Variants in FAM193A observed in about 807,000 individuals in gnomAD.
FAM193A encodes the protein family with sequence similarity 193 member A.
Under a neutral mutation model 126.5 loss-of-function variants are expected in FAM193A, and 22 were observed. The ratio of observed to expected loss-of-function variants is 0.17; its 90% confidence interval spans 0.12 to 0.25. The LOEUF is 0.25. Ranked by LOEUF, FAM193A falls within the 10% of genes least tolerant of loss-of-function variation. The probability of loss-of-function intolerance (pLI) is 1.00; values close to 1 mark genes in which losing one functional copy is unlikely to be tolerated. For synonymous variants in FAM193A, 761 were observed against 646.8 expected, an observed-to-expected ratio of 1.18 and a Z score of -2.68; for missense variants, 1,675 against 1,672.8, an observed-to-expected ratio of 1.00 and a Z score of -0.02.
chr4:2,709,516 C>T (rs1246306663), intron 19 of FAM193A, among the ~76,000 whole-genome samples: 1 of 152,108 alleles, frequency 6.6e-6, no homozygotes, highest in Non-Finnish European at 1.5e-5. Context: ...CGAGACAAGC[C>T]TGGCCAACAT....
chr4:2,635,884 C>G (rs183152487), intron 5 of FAM193A, among the ~76,000 whole-genome samples: 3 of 152,250 alleles, frequency 2.0e-5, no homozygotes, highest in South Asian at 2.1e-4. Context: ...CTCCAGATCT[C>G]TCTGTAAAAG....
At chr4:2,598,622 A>G (rs1741006919) in intron 2 of FAM193A, among the ~76,000 whole-genome samples, 1 of 152,124 alleles carries the variant, frequency 6.6e-6, no homozygotes, top group Admixed American at 6.6e-5. Flanking sequence ...TGGTATTATC[A>G]TCTCTTCCTT....
intron 8 of FAM193A, among the ~76,000 whole-genome samples, chr4:2,658,364 C>T (rs376459978): frequency 6.6e-6 from 1 of 152,148 alleles, no homozygotes; most frequent in Non-Finnish European, 1.5e-5. Flanking sequence ...CTGGACTCTC[C>T]CTTCCTCATC....
intron 20 of FAM193A, among the ~76,000 whole-genome samples, chr4:2,729,343 C>G (rs1442751433): frequency 6.6e-6 from 1 of 152,138 alleles, no homozygotes; most frequent in African/African-American, 2.4e-5. Context: ...GCTAGCAGGC[C>G]AGTGTGTGTG....
At chr4:2,711,797 C>T (rs558868003) in intron 19 of FAM193A, among the ~76,000 whole-genome samples, 2 of 152,026 alleles carry the variant, frequency 1.3e-5, no homozygotes, top group East Asian at 1.9e-4. Context: ...CGTGGTGGCA[C>T]GTGCCTGTAG....
At chr4:2,574,259 C>G (rs1228689407) in intron 1 of FAM193A, among the ~76,000 whole-genome samples, 1 of 151,974 alleles carries the variant, frequency 6.6e-6, no homozygotes, top group Non-Finnish European at 1.5e-5. Context: ...CGAGGGGTCT[C>G]TTCTGTGGAA....
chr4:2,617,755 A>G (rs895883752), intron 2 of FAM193A, among the ~76,000 whole-genome samples: 1 of 152,142 alleles, frequency 6.6e-6, no homozygotes, highest in Admixed American at 6.5e-5. Flanking sequence ...TTCTGGTGCT[A>G]ATGTAGTCGT....
At chr4:2,638,846 T>C (rs919430955) in intron 5 of FAM193A, among the ~76,000 whole-genome samples, 2 of 152,250 alleles carry the variant, frequency 1.3e-5, no homozygotes, top group Non-Finnish European at 2.9e-5. Flanking sequence ...GGCTATATTG[T>C]AAACAGGAGC....
intron 2 of FAM193A, among the ~76,000 whole-genome samples, chr4:2,614,540 A>G (rs1410583070): frequency 1.3e-5 from 2 of 152,158 alleles, no homozygotes; most frequent in African/African-American, 2.4e-5. Context: ...TTTTGTGTCT[A>G]TGTTCATGAA....
chr4:2,640,095 A>C (rs1253237923), intron 6 of FAM193A, among the ~76,000 whole-genome samples: 1 of 152,226 alleles, frequency 6.6e-6, no homozygotes, highest in Non-Finnish European at 1.5e-5. Flanking sequence ...CAAATTCCTC[A>C]TACAGAAAAG....
At chr4:2,623,016 A>G (rs1387510756) in intron 2 of FAM193A, among the ~76,000 whole-genome samples, 3 of 151,656 alleles carry the variant, frequency 2.0e-5, no homozygotes, top group Non-Finnish European at 4.4e-5. Context: ...GCCTGCCCCC[A>G]ACCCCCTACC....
intron 1 of FAM193A, among the ~76,000 whole-genome samples, chr4:2,558,188 C>A (rs1483270439): frequency 6.6e-6 from 1 of 151,288 alleles, no homozygotes; most frequent in Non-Finnish European, 1.5e-5. Flanking sequence ...AGGAGAATCG[C>A]TTGAACCGGG....
In FAM193A at chr4:2,590,478, AAAAAAAAC is replaced by A. The variant is rs1560464491; in HGVS notation, c.256-5598_256-5591del. 5.5e-3 allele frequency among the ~76,000 whole-genome samples: 510 copies of A among 92,810 alleles called. 95 individuals carry two copies. Among genetic ancestry groups the A allele is most frequent in the African/African-American group, 0.033 (461 of 13,834 alleles). 60.9% of individuals were successfully genotyped at this position (92,810 alleles called of 152,430 possible). On this transcript the variant is annotated intron_variant, in intron 1 of 20. Coordinates refer to ENST00000637812, the MANE Select transcript of FAM193A (RefSeq NM_001366318.2). ...GACTCCATCTCAAAAAAAAAAAACA[AAAAAAAAC>A]AAAAAAAAACAAAAAAAAACAAAAA...
intron 1 of FAM193A, among the ~76,000 whole-genome samples, chr4:2,589,980 C>A (rs887076153): frequency 2.0e-5 from 3 of 151,372 alleles, no homozygotes; most frequent in East Asian, 1.9e-4. Flanking sequence ...ACTAAAAATA[C>A]AAAAACTAGC....
chr4:2,564,809 T>G (rs1738836007), intron 1 of FAM193A, among the ~76,000 whole-genome samples: 1 of 152,142 alleles, frequency 6.6e-6, no homozygotes, highest in Non-Finnish European at 1.5e-5. Context: ...TTTTTGTTCT[T>G]GTTTTTTATT....
In FAM193A at chr4:2,545,534, G is replaced by A. The variant is rs556131021; in HGVS notation, c.255+8364G>A. Reference sequence around the variant, plus strand: ...TTCCTTTCTGTACATGTGTTTTGGTGGACATGAGCACTCAGTTGGTCATAT... The same window carrying A: ...TTCCTTTCTGTACATGTGTTTTGGTAGACATGAGCACTCAGTTGGTCATAT... On this transcript the variant is annotated intron_variant, in intron 1 of 20. Coordinates refer to ENST00000637812, the MANE Select transcript of FAM193A (RefSeq NM_001366318.2). Among the ~76,000 whole-genome samples the A allele has an allele frequency of 2.6e-5, 4 of 152,172 alleles. No individual in the cohort carries two copies. The East Asian group carries it at 7.7e-4, about 29-fold the overall frequency.
intron 13 of FAM193A, among the ~76,000 whole-genome samples, chr4:2,678,736 G>A (rs951218035): frequency 3.9e-5 from 6 of 152,200 alleles, no homozygotes; most frequent in Non-Finnish European, 8.8e-5. Context: ...ACCATTGTTA[G>A]TGTATAGACA....
chr4:2,722,755 T>C (rs757151146), intron 20 of FAM193A, among the ~76,000 whole-genome samples: 4 of 152,218 alleles, frequency 2.6e-5, no homozygotes, highest in Non-Finnish European at 5.9e-5. Context: ...AGCCACAGTT[T>C]AAGCAACCAT....
intron 1 of FAM193A, among the ~76,000 whole-genome samples, chr4:2,582,903 T>A (rs944755386): frequency 6.6e-6 from 1 of 152,190 alleles, no homozygotes; most frequent in Non-Finnish European, 1.5e-5. Context: ...GTTTGAAGCT[T>A]TTTGACTTGG....
Sources: gnomAD v4.1 joint callset for allele counts (sites outside exome capture counted in the v4.1 genomes callset) on GRCh38, gnomAD v4.1.1 for gene constraint, MANE v1.5 for transcripts, NCBI Gene and HGNC (gene_info 2026-07-23, HGNC 2026-07-21) for gene names.